WDFY3: variants seen among roughly 807,000 people sequenced by gnomAD.
WDFY3 encodes the protein WD repeat and FYVE domain-containing protein 3.
Under a neutral mutation model 409.6 loss-of-function variants are expected in WDFY3, and 66 were observed. The ratio of observed to expected loss-of-function variants is 0.16; its 90% CI spans 0.13 to 0.20. The LOEUF is 0.20. WDFY3 is among the 10% of genes least tolerant of loss of function. The probability of loss-of-function intolerance (pLI) is 1.00; values close to 1 mark genes in which losing one functional copy is unlikely to be tolerated. For missense variants in WDFY3, 3,031 were observed against 4,298.1 expected (o/e 0.71, Z 8.24); for synonymous variants, 1,521 against 1,537.1 (o/e 0.99, Z 0.25).
chr4:84,774,016 G>A (rs561336004), intron 29 of WDFY3, among the ~76,000 whole-genome samples: 16 of 152,236 alleles, frequency 1.1e-4, no homozygotes, highest in Middle Eastern at 3.4e-3. Flanking sequence ...CACTGCACCC[G>A]GCCCCCCAGG....
chr4:84,754,651 GTCT>G (rs1422227205), intron 34 of WDFY3, among the ~76,000 whole-genome samples: 1 of 152,114 alleles, frequency 6.6e-6, no homozygotes, highest in African/African-American at 2.4e-5. Context: ...CATCAGTTCT[GTCT>G]TTTACTCTTT....
At chr4:84,938,148 C>T (rs1771668518) in intron 1 of WDFY3, among the ~76,000 whole-genome samples, 1 of 152,002 alleles carries the variant, frequency 6.6e-6, no homozygotes, top group Non-Finnish European at 1.5e-5. Flanking sequence ...TAGTTTAATG[C>T]TACAGCTCCA....
chr4:84,871,956 A>G (rs1229733190), intron 3 of WDFY3, among the ~76,000 whole-genome samples: 1 of 152,236 alleles, frequency 6.6e-6, no homozygotes, highest in Non-Finnish European at 1.5e-5. Flanking sequence ...TAATTGATGT[A>G]AAAGATAACT....
At chr4:84,928,258 G>A (rs183859091) in intron 2 of WDFY3, among the ~76,000 whole-genome samples, 47 of 152,180 alleles carry the variant, frequency 3.1e-4, no homozygotes, top group Admixed American at 1.3e-3. Context: ...TCCCTCCTCC[G>A]TGCTTGACTC....
chr4:84,695,557 C>T (rs986467727), intron 58 of WDFY3, among the ~76,000 whole-genome samples: 6 of 130,196 alleles, frequency 4.6e-5, no homozygotes, highest in East Asian at 2.5e-4. Flanking sequence ...GAGAGAGGCA[C>T]GCATAGAGTA....
intron 30 of WDFY3, among the ~76,000 whole-genome samples, chr4:84,767,961 T>C (rs1198611484): frequency 6.6e-6 from 1 of 152,136 alleles, no homozygotes; most frequent in Non-Finnish European, 1.5e-5. Context: ...CACACACCTA[T>C]AGTCCCAGCT....
chr4:84,916,852 T>C (rs1322004771), intron 2 of WDFY3, among the ~76,000 whole-genome samples: 2 of 152,218 alleles, frequency 1.3e-5, no homozygotes, highest in African/African-American at 4.8e-5. Flanking sequence ...ATTTTCTATG[T>C]TACATTTAGA....
intron 36 of WDFY3, among the ~76,000 whole-genome samples, chr4:84,747,955 G>A (rs1435256064): frequency 6.6e-6 from 1 of 151,786 alleles, no homozygotes; most frequent in African/African-American, 2.4e-5. Flanking sequence ...GACATACCCA[G>A]TCTCGGGTAT....
intron 3 of WDFY3, among the ~76,000 whole-genome samples, chr4:84,894,841 T>C (rs947891731): frequency 4.0e-5 from 6 of 150,566 alleles, no homozygotes; most frequent in African/African-American, 1.2e-4. Context: ...TTCCAGTTAT[T>C]CAGGAGGCTG....
At chr4:84,964,418 G>A (rs1159342451) in intron 1 of WDFY3, among the ~76,000 whole-genome samples, 4 of 152,204 alleles carry the variant, frequency 2.6e-5, no homozygotes, top group Non-Finnish European at 5.9e-5. Context: ...GCAGTGAACC[G>A]TGATCGTGCC....
In WDFY3 at chr4:84,853,418, C is replaced by T. The variant is rs559871164; in HGVS notation, c.181-3393G>A. On this transcript the variant is annotated intron_variant, in intron 4 of 67. Coordinates refer to ENST00000295888, the MANE Select transcript of WDFY3 (RefSeq NM_014991.6). ...CGAACTCCTGGCCTCAGGTGATCTG[C>T]TCATCTCGGCCTCCCAAAGTGCTGG... Among the ~76,000 whole-genome samples the T allele has an allele frequency of 5.3e-5, 8 of 152,304 alleles. No individual in the cohort carries two copies. In the South Asian group the frequency reaches 1.7e-3, roughly 32 times the overall value.
At chr4:84,743,005 T>C (rs761782208) in intron 37 of WDFY3, among the ~76,000 whole-genome samples, 1 of 152,200 alleles carries the variant, frequency 6.6e-6, no homozygotes, top group African/African-American at 2.4e-5. Flanking sequence ...AAAGTGTGAA[T>C]TGACTTGAGA....
In WDFY3 at chr4:84,858,617, G is replaced by C. The variant is rs562674952; in HGVS notation, c.180+1795C>G. On this transcript the variant is annotated intron_variant, in intron 4 of 67. Coordinates refer to ENST00000295888, the MANE Select transcript of WDFY3 (RefSeq NM_014991.6). ...TATTTACCGAGACTGAACAATACAAGTTTTCAGATTAAGAAGGCTTAAGCT... is the reference window on the plus strand; with the variant it reads ...TATTTACCGAGACTGAACAATACAACTTTTCAGATTAAGAAGGCTTAAGCT... 2.6e-5 allele frequency among the ~76,000 whole-genome samples: 4 copies of C among 151,686 alleles called. No homozygotes were observed. The South Asian group carries it at 6.4e-4, about 24-fold the overall frequency.
At chr4:84,853,130 T>C (rs545414752) in intron 4 of WDFY3, among the ~76,000 whole-genome samples, 6 of 152,284 alleles carry the variant, frequency 3.9e-5, no homozygotes, top group Admixed American at 6.5e-5. Context: ...CATCTTTGAA[T>C]AGCCATTCCA....
intron 64 of WDFY3, among the ~76,000 whole-genome samples, chr4:84,681,481 C>G (rs1292882468): frequency 3.3e-5 from 5 of 152,184 alleles, no homozygotes; most frequent in Admixed American, 3.3e-4. Flanking sequence ...ATAACACCAA[C>G]ATTAAAATGT....
chr4:84,788,426 A>G (rs1044275390), intron 22 of WDFY3, among the ~76,000 whole-genome samples: 7 of 152,220 alleles, frequency 4.6e-5, no homozygotes, highest in Admixed American at 2.6e-4. Flanking sequence ...TAAATAAATC[A>G]ATAATAAATT....
intron 1 of WDFY3, among the ~76,000 whole-genome samples, chr4:84,949,986 T>G (rs1002594328): frequency 7.9e-5 from 12 of 152,150 alleles, no homozygotes; most frequent in African/African-American, 2.9e-4. Context: ...TAGCAAAGAC[T>G]TGGAACCAAC....
chr4:84,828,247 ACTTT>A (rs1755146308), intron 9 of WDFY3, among the ~76,000 whole-genome samples: 1 of 151,656 alleles, frequency 6.6e-6, no homozygotes, highest in South Asian at 2.1e-4. Flanking sequence ...GTAACCAGCC[ACTTT>A]CTAAGTATGT....
intron 2 of WDFY3, among the ~76,000 whole-genome samples, chr4:84,900,151 T>C (rs994315881): frequency 1.3e-5 from 2 of 152,150 alleles, no homozygotes; most frequent in African/African-American, 4.8e-5. Flanking sequence ...GGCCAAAGAA[T>C]GGAAACAACC....
Sources: allele counts gnomAD v4.1 joint callset (sites outside exome capture counted in the v4.1 genomes callset), GRCh38; gene constraint gnomAD v4.1.1; transcripts MANE v1.5; gene names NCBI Gene and HGNC (gene_info 2026-07-23, HGNC 2026-07-21).